MYO1B: variants seen among roughly 807,000 people sequenced by gnomAD.
MYO1B encodes the protein myosin IB.
Under a neutral mutation model 159.7 loss-of-function variants are expected in MYO1B, and 72 were observed. The ratio of observed to expected loss-of-function variants is 0.45; its 90% CI spans 0.37 to 0.55. MYO1B has a LOEUF of 0.55. Among genes scored for constraint, MYO1B ranks in the 20% least tolerant of loss-of-function variants. MYO1B has a pLI of 0.00. For synonymous variants in MYO1B, 468 were observed against 473.8 expected, an observed-to-expected ratio of 0.99 and a Z score of 0.16; for missense variants, 1,062 against 1,364.8, an observed-to-expected ratio of 0.78 and a Z score of 3.50.
chr2:191,368,415 A>G, intron 11 of MYO1B, among the ~76,000 whole-genome samples: 1 of 152,144 alleles, frequency 6.6e-6, no homozygotes, highest in Non-Finnish European at 1.5e-5. Flanking sequence ...AGGCCTCCCC[A>G]GGATGCTGGT....
chr2:191,382,078 T>C (rs970321786), intron 14 of MYO1B, among the ~76,000 whole-genome samples: 1 of 152,160 alleles, frequency 6.6e-6, no homozygotes, highest in African/African-American at 2.4e-5. Context: ...GCAGAGTCTT[T>C]TCATCATTAA....
chr2:191,383,469 T>TAC (rs1695179787), intron 15 of MYO1B, 127 bp downstream of exon 15: 1 of 20,916 alleles, frequency 4.8e-5, no homozygotes, highest in African/African-American at 8.4e-5. Context: ...TATATATATA[T>TAC]ATATACACAC....
At chr2:191,297,615 T>C (rs1182715027) in intron 3 of MYO1B, among the ~76,000 whole-genome samples, 2 of 152,174 alleles carry the variant, frequency 1.3e-5, no homozygotes, top group Non-Finnish European at 2.9e-5. Context: ...ATGTAGATAT[T>C]GATGAGGAAA....
At chr2:191,315,684 A>C (rs1043282676) in intron 3 of MYO1B, among the ~76,000 whole-genome samples, 1 of 152,272 alleles carries the variant, frequency 6.6e-6, no homozygotes, top group Non-Finnish European at 1.5e-5. Flanking sequence ...GAGACTGACT[A>C]TGTGAAGGGT....
intron 1 of MYO1B, among the ~76,000 whole-genome samples, chr2:191,258,568 C>T (rs1052692259): frequency 8.5e-5 from 13 of 152,168 alleles, no homozygotes; most frequent in African/African-American, 3.1e-4. Context: ...ACTTATGGGA[C>T]CTCCATTATA....
intron 3 of MYO1B, among the ~76,000 whole-genome samples, chr2:191,300,741 G>A (rs928494396): frequency 2.7e-5 from 4 of 149,154 alleles, no homozygotes; most frequent in African/African-American, 1.0e-4. Context: ...AGGTAGGTGG[G>A]ACTATAGGCA....
At chr2:191,260,217 T>G (rs1686712538) in intron 1 of MYO1B, among the ~76,000 whole-genome samples, 2 of 150,840 alleles carry the variant, frequency 1.3e-5, no homozygotes, top group Admixed American at 1.3e-4. Context: ...GGCAGATTTA[T>G]TTTGGAGGGT....
intron 30 of MYO1B, among the ~76,000 whole-genome samples, chr2:191,421,359 C>T (rs531428957): frequency 6.6e-6 from 1 of 151,650 alleles, no homozygotes; most frequent in Non-Finnish European, 1.5e-5. Flanking sequence ...CATGATCCAC[C>T]GTGCCTGGCC....
intron 17 of MYO1B, among the ~76,000 whole-genome samples, chr2:191,388,435 G>C (rs1183713187): frequency 6.6e-6 from 1 of 152,128 alleles, no homozygotes; most frequent in African/African-American, 2.4e-5. Flanking sequence ...GTATGTGTCT[G>C]GTGGGTCAGA....
intron 27 of MYO1B, among the ~76,000 whole-genome samples, chr2:191,413,496 T>G (rs916398151): frequency 2.0e-5 from 3 of 152,140 alleles, no homozygotes; most frequent in Middle Eastern, 3.2e-3. Context: ...CAGTTACATG[T>G]TAATATTAAG....
chr2:191,261,880 G>A (rs539603020), intron 1 of MYO1B, among the ~76,000 whole-genome samples: 3 of 152,186 alleles, frequency 2.0e-5, no homozygotes, highest in Non-Finnish European at 4.4e-5. Flanking sequence ...GACAATAAAT[G>A]TATATTTGTA....
chr2:191,254,356 G>A (rs546555627), intron 1 of MYO1B, among the ~76,000 whole-genome samples: 1 of 152,194 alleles, frequency 6.6e-6, no homozygotes, highest in East Asian at 1.9e-4. Flanking sequence ...GGGATTACAG[G>A]CATGCAACCA....
intron 12 of MYO1B, 68 bp downstream of exon 12, chr2:191,369,696 G>A: frequency 8.2e-7 from 1 of 1,212,156 alleles, no homozygotes; most frequent in Non-Finnish European, 1.2e-6. Context: ...TTAAGTTGAA[G>A]AAAGTTTAAA....
chr2:191,414,591 A>G lies in MYO1B; in HGVS notation c.3081A>G (p.Ser1027=). ...LADQKSGQIK[S]EVPLVDVTKV... ...ACCAAAAGTCTGGACAAATCAAGTC[A>G]GAGGTTCCATTGGTGGATGTGACCA... Residue 1027 remains serine (S), a synonymous_variant, in exon 29 of 31, where the codon TCA becomes TCG. Transcript: ENST00000392318. The G allele has an allele frequency of 1.2e-6, 2 of 1,613,794 alleles. No homozygotes were observed. The highest frequency in any genetic ancestry group is 1.7e-6 in the Non-Finnish European group (2 of 1,179,838).
chr2:191,356,337 C>CTTTTTTTTTTTTTTTTT (rs79525897), intron 7 of MYO1B, among the ~76,000 whole-genome samples: 3 of 106,460 alleles, frequency 2.8e-5, no homozygotes, highest in Non-Finnish European at 5.8e-5. Context: ...GGCTGGGCTT[C>CTTTTTTTTTTTTTTTTT]TTTTTTTTTT....
intron 1 of MYO1B, among the ~76,000 whole-genome samples, chr2:191,272,762 T>C (rs1296418059): frequency 6.6e-6 from 1 of 152,194 alleles, no homozygotes; most frequent in African/African-American, 2.4e-5. Flanking sequence ...AAGGTCCAAG[T>C]CTCAAGATAC....
At position 191,276,856 on chromosome 2, in the gene MYO1B, T is replaced by G. The variant is rs771464134; in HGVS notation, c.-9-31T>G. On this transcript the variant is annotated intron_variant, in intron 1 of 30. Transcript: ENST00000392318. The stretch of plus-strand genomic sequence containing the variant: ...ACCTATTTGAAATTATTTTGCTCGT[T>G]TAAATTGACCCCTTTCCCTCTCTTC... The G allele has an allele frequency of 1.9e-6, 3 of 1,573,846 alleles. No individual in the cohort carries two copies. The South Asian group carries it at 3.5e-5, about 18-fold the overall frequency.
rs184131439 is a variant in MYO1B at position 191,271,177 on chromosome 2, A to G, written c.-9-5710A>G. On this transcript the variant is annotated intron_variant, in intron 1 of 30. Transcript: ENST00000392318. ...CTATACAGGGAGGTTAATGAGTGGA[A>G]CTGGAGTCAGATAAAACACACTTGT... Among the ~76,000 whole-genome samples the G allele has an allele frequency of 9.4e-4, 143 of 152,338 alleles. 1 individual carries two copies. The highest frequency in any genetic ancestry group is 3.2e-3 in the African/African-American group (134 of 41,582).
chr2:191,423,961 C>G lies in MYO1B; in HGVS notation c.*1C>G. ...TCTCCTTGAAGTTGCTGTCCCTTAA[C>G]TGGCGCCTCCTCTCTACTTTCATGG... On this transcript the variant is annotated 3_prime_UTR_variant, in exon 31 of 31. Transcript: ENST00000392318. The G allele has an allele frequency of 6.2e-7, 1 of 1,612,644 alleles. No homozygotes were observed.
Sources: allele counts gnomAD v4.1 joint callset (sites outside exome capture counted in the v4.1 genomes callset), GRCh38; gene constraint gnomAD v4.1.1; transcripts MANE v1.5; gene names NCBI Gene and HGNC (gene_info 2026-07-23, HGNC 2026-07-21).